TAFA5: variants seen among roughly 807,000 people sequenced by gnomAD.
The protein encoded by TAFA5 is TAFA chemokine like family member 5, also known as chemokine-like protein TAFA-5.
TAFA5 carries 6 observed loss-of-function variants against 15.3 expected under a neutral mutation model. That is an observed-to-expected ratio of 0.39 (90% CI 0.21 to 0.77). The LOEUF is 0.77. Ranked by LOEUF, TAFA5 falls within the 30% of genes least tolerant of loss-of-function variation. TAFA5 has a pLI of 0.41. For synonymous variants in TAFA5, 103 were observed against 80.7 expected (o/e 1.28, Z -1.48); for missense variants, 161 against 193.1 (o/e 0.83, Z 0.98).
chr22:48,695,512 G>A (rs1289913934), intron 2 of TAFA5, among the ~76,000 whole-genome samples: 1 of 152,222 alleles, frequency 6.6e-6, no homozygotes, highest in East Asian at 1.9e-4. Context: ...GCACCTCGGG[G>A]CTTGGGTGTT....
intron 1 of TAFA5, among the ~76,000 whole-genome samples, chr22:48,534,510 G>T (rs1161229877): frequency 6.6e-6 from 1 of 152,192 alleles, no homozygotes; most frequent in Non-Finnish European, 1.5e-5. Context: ...GACAGCCTGG[G>T]TGGGTGGACA....
chr22:48,620,082 G>A (rs1172389914), intron 1 of TAFA5, among the ~76,000 whole-genome samples: 1 of 152,312 alleles, frequency 6.6e-6, no homozygotes, highest in East Asian at 1.9e-4. Flanking sequence ...TGGCGGCGTC[G>A]AGGAAGGACC....
intron 2 of TAFA5, among the ~76,000 whole-genome samples, chr22:48,671,518 C>T (rs928558588): frequency 6.6e-6 from 1 of 152,206 alleles, no homozygotes; most frequent in Non-Finnish European, 1.5e-5. Flanking sequence ...CCAACCAAGC[C>T]ATCCAGAGTG....
At position 48,742,056 on chromosome 22, in the gene TAFA5, G is replaced by A. The variant is rs765667571; in HGVS notation, c.391-7783G>A. Among the ~76,000 whole-genome samples, 6 of 151,920 alleles carry A rather than the reference G, an allele frequency of 3.9e-5. No individual in the cohort carries two copies. The highest frequency in any genetic ancestry group is 7.4e-5 in the Non-Finnish European group (5 of 68,014). On this transcript the variant is annotated intron_variant, in intron 3 of 3. Transcript: ENST00000402357. The surrounding 1 kb of genome is among the most constrained non-coding windows in gnomAD (Gnocchi z 6.2). Reference sequence around the variant, plus strand: ...TCCCGTGTTACAGACGGGGAAACTGGGGCTCCCAGAGGCTCCAGCTGGGAG... The same window carrying A: ...TCCCGTGTTACAGACGGGGAAACTGAGGCTCCCAGAGGCTCCAGCTGGGAG...
rs1159003364 is a variant in TAFA5, at chr22:48,749,942, G to C, written c.*95G>C. ...TCTCCACTCGCCTCGGACTTCACCC[G>C]TTCTCTGCCGCCCGCCCACTCCGTT... On this transcript the variant is annotated 3_prime_UTR_variant, in exon 4 of 4. Transcript: ENST00000402357. 6 of 1,202,064 alleles carry C rather than the reference G, an allele frequency of 5.0e-6. No individual in the cohort carries two copies. Among genetic ancestry groups the C allele is most frequent in the Non-Finnish European group, 6.0e-6 (5 of 838,102 alleles). 74.5% of individuals were successfully genotyped at this position (1,202,064 alleles called of 1,614,324 possible).
Position 48,646,579 on chromosome 22 carries a change from T to C in TAFA5, c.113-18T>C. ...CTGTAACGTGTGGCCGCTCAGTCGC[T>C]TCTGCTCCTCTCTGCAGGTCAGCTG... is the stretch of plus-strand genomic sequence containing the variant. On this transcript the variant is annotated intron_variant, in intron 1 of 3. Coordinates refer to ENST00000402357, the MANE Select transcript of TAFA5 (RefSeq NM_001082967.3). 2 of 1,611,780 alleles carry C rather than the reference T, an allele frequency of 1.2e-6. No individual in the cohort carries two copies. The highest frequency in any genetic ancestry group is 1.7e-6 in the Non-Finnish European group (2 of 1,179,362).
At chr22:48,741,241 G>T (rs890146323) in intron 3 of TAFA5, among the ~76,000 whole-genome samples, 1 of 152,030 alleles carries the variant, frequency 6.6e-6, no homozygotes, top group Non-Finnish European at 1.5e-5. Context: ...AGCCGGAGTC[G>T]TCCTCACCGC....
intron 1 of TAFA5, among the ~76,000 whole-genome samples, chr22:48,535,969 G>T (rs143443222): frequency 1.5e-3 from 236 of 152,336 alleles, no homozygotes; most frequent in Non-Finnish European, 2.2e-3. Context: ...ACAGGCACGC[G>T]TATGGGCACT....
intron 2 of TAFA5, among the ~76,000 whole-genome samples, chr22:48,701,434 G>A (rs1047406477): frequency 1.8e-4 from 28 of 152,158 alleles, no homozygotes; most frequent in African/African-American, 6.0e-4. Context: ...GCTGTGGGCC[G>A]CCCTCCTGGG....
intron 3 of TAFA5, among the ~76,000 whole-genome samples, chr22:48,721,304 T>C (rs1929562974): frequency 6.6e-6 from 1 of 152,154 alleles, no homozygotes; most frequent in Non-Finnish European, 1.5e-5. Context: ...GCCCGCCCAC[T>C]GCCTTCATGC....
chr22:48,600,930 C>A (rs1037885030), intron 1 of TAFA5, among the ~76,000 whole-genome samples: 2 of 152,118 alleles, frequency 1.3e-5, no homozygotes, highest in African/African-American at 2.4e-5. Context: ...TCACGGTGCC[C>A]ACGTCATTCC....
rs566476223 is a variant in TAFA5, at chr22:48,751,767, G to T, written c.*1920G>T. ...AGCCTCTGCCAGCCAGCGTCCTCAC[G>T]GCCTCCCCCTCGCCTGTTTCTTTTG... On this transcript the variant is annotated 3_prime_UTR_variant, in exon 4 of 4. Transcript: ENST00000402357. The T allele has an allele frequency of 6.6e-6, 1 of 152,454 alleles. No individual in the cohort carries two copies. Among genetic ancestry groups the T allele is most frequent in the Non-Finnish European group, 1.5e-5 (1 of 68,032 alleles). 9.4% of individuals were successfully genotyped at this position (152,454 alleles called of 1,614,324 possible).
chr22:48,625,613 G>T (rs146271039), intron 1 of TAFA5, among the ~76,000 whole-genome samples: 1 of 152,350 alleles, frequency 6.6e-6, no homozygotes, highest in Non-Finnish European at 1.5e-5. Flanking sequence ...TTTCTCCCCA[G>T]CTCCCTCAGG....
At chr22:48,608,193 C>T (rs1925269771) in intron 1 of TAFA5, among the ~76,000 whole-genome samples, 1 of 151,240 alleles carries the variant, frequency 6.6e-6, no homozygotes, top group Non-Finnish European at 1.5e-5. Flanking sequence ...GATTTTGTTT[C>T]TCCTCTAAAG....
intron 1 of TAFA5, among the ~76,000 whole-genome samples, chr22:48,630,643 C>A: frequency 6.6e-6 from 1 of 152,152 alleles, no homozygotes; most frequent in Non-Finnish European, 1.5e-5. Flanking sequence ...GTGAGTGCCG[C>A]TTCCAGAACA....
intron 1 of TAFA5, among the ~76,000 whole-genome samples, chr22:48,571,475 A>G (rs1383508807): frequency 1.4e-5 from 2 of 144,186 alleles, no homozygotes. Context: ...GGGTTTCACC[A>G]TGTTGGCCAG....
chr22:48,690,669 C>T (rs7288241), intron 2 of TAFA5, among the ~76,000 whole-genome samples: 33,937 of 152,216 alleles, frequency 0.22, 4,121 homozygotes, highest in South Asian at 0.34. Context: ...TGTGGACTCC[C>T]TCTCTGTAGT....
chr22:48,620,256 G>A (rs888748359), intron 1 of TAFA5, among the ~76,000 whole-genome samples: 4 of 151,992 alleles, frequency 2.6e-5, no homozygotes, highest in Admixed American at 2.0e-4. Context: ...GGCCTGCAGC[G>A]TCTCCAGGTC....
At chr22:48,585,556 A>G (rs942427669) in intron 1 of TAFA5, among the ~76,000 whole-genome samples, 1 of 151,144 alleles carries the variant, frequency 6.6e-6, no homozygotes, top group Non-Finnish European at 1.5e-5. Flanking sequence ...CACTGCTCAT[A>G]CCACACAGCA....
Sources: gnomAD v4.1 joint callset for allele counts (sites outside exome capture counted in the v4.1 genomes callset) on GRCh38, gnomAD v4.1.1 for gene constraint, Gnocchi (gnomAD v3.1) non-coding constraint, MANE v1.5 for transcripts, NCBI Gene and HGNC (gene_info 2026-07-23, HGNC 2026-07-21) for gene names.